GLDN: variants seen among roughly 807,000 people sequenced by gnomAD.
The protein encoded by GLDN is gliomedin, also known as collomin.
GLDN carries 47 observed loss-of-function variants against 56.5 expected under a neutral mutation model. That is an observed-to-expected ratio of 0.83 (90% CI 0.66 to 1.06). The LOEUF is 1.06. Ranked by LOEUF, GLDN falls within the 50% of genes least tolerant of loss-of-function variation. GLDN has a pLI of 0.00. For missense variants in GLDN, 782 were observed against 714.3 expected (o/e 1.09, Z -1.08); for synonymous variants, 332 against 278.8 (o/e 1.19, Z -1.90).
At chr15:51,380,519 C>A (rs1368868920) in intron 2 of GLDN, among the ~76,000 whole-genome samples, 1 of 152,182 alleles carries the variant, frequency 6.6e-6, no homozygotes, top group Non-Finnish European at 1.5e-5. Context: ...CCCTGGAGAG[C>A]CAGGCTGGCA....
chr15:51,397,605 A>G lies in GLDN; in HGVS notation c.817+7A>G. The G allele has an allele frequency of 6.4e-7, 1 of 1,574,648 alleles. No individual in the cohort carries two copies. The highest frequency in any genetic ancestry group is 8.6e-7 in the Non-Finnish European group (1 of 1,158,754). On this transcript the variant is annotated splice_region_variant and intron_variant, in intron 6 of 9. Transcript: ENST00000335449. Reference sequence around the variant, plus strand: ...TTCAACGGCCAGTGCCCAGGTCACCACCTCTCCCCTACGGGGCCCACCTCT... The same window carrying G: ...TTCAACGGCCAGTGCCCAGGTCACCGCCTCTCCCCTACGGGGCCCACCTCT...
At chr15:51,385,339 G>A (rs1287493733) in intron 4 of GLDN, 1 of 152,184 alleles carries the variant, frequency 6.6e-6, no homozygotes, top group African/African-American at 2.4e-5. Flanking sequence ...AAAAAGGCTT[G>A]AGACAGATCC....
intron 5 of GLDN, among the ~76,000 whole-genome samples, chr15:51,396,356 G>A (rs1031636688): frequency 3.9e-5 from 6 of 152,196 alleles, no homozygotes; most frequent in Admixed American, 1.3e-4. Flanking sequence ...GCCATCAGGG[G>A]CATTTCCCCT....
At chr15:51,354,177 C>T (rs1367836880) in intron 1 of GLDN, among the ~76,000 whole-genome samples, 2 of 152,194 alleles carry the variant, frequency 1.3e-5, no homozygotes, top group Non-Finnish European at 2.9e-5. Flanking sequence ...AAAGTCTGTG[C>T]TTGCCAAAGT....
intron 9 of GLDN, among the ~76,000 whole-genome samples, chr15:51,402,995 C>A (rs965748359): frequency 6.6e-6 from 1 of 152,174 alleles, no homozygotes; most frequent in African/African-American, 2.4e-5. Flanking sequence ...CTTGTGGTTC[C>A]CTGCTGCCAT....
chr15:51,355,075 C>T (rs2037147979), intron 1 of GLDN, among the ~76,000 whole-genome samples: 1 of 152,124 alleles, frequency 6.6e-6, no homozygotes, highest in African/African-American at 2.4e-5. Context: ...ATCCAGACCC[C>T]TTAGAGAGGG....
intron 1 of GLDN, among the ~76,000 whole-genome samples, chr15:51,342,930 A>G (rs1438795230): frequency 6.6e-6 from 1 of 152,168 alleles, no homozygotes; most frequent in Non-Finnish European, 1.5e-5. Context: ...AGCCTCAAAG[A>G]TTTGTTTTCC....
At position 51,354,613 on chromosome 15, in the gene GLDN, G is replaced by A. The variant is rs180874064; in HGVS notation, c.363+12566G>A. 1.2e-4 allele frequency among the ~76,000 whole-genome samples: 19 copies of A among 152,332 alleles called. No homozygotes were observed. The East Asian group carries it at 3.7e-3, about 29-fold the overall frequency. On this transcript the variant is annotated intron_variant, in intron 1 of 9. Transcript: ENST00000335449. ...GCAATAATATGAGCCAAGGTCTAGG[G>A]ATTGAAATGAAAATGGTGCAAGTCA... is the stretch of plus-strand genomic sequence containing the variant.
chr15:51,384,130 A>T (rs1048600873), intron 4 of GLDN: 4 of 511,934 alleles, frequency 7.8e-6, no homozygotes, highest in Admixed American at 6.5e-5. Flanking sequence ...ACTGACTCGC[A>T]CCCTTCTGCT....
chr15:51,388,956 C>G (rs1417542357), intron 4 of GLDN, among the ~76,000 whole-genome samples: 3 of 152,228 alleles, frequency 2.0e-5, no homozygotes, highest in Non-Finnish European at 4.4e-5. Context: ...GCCTGCAGGA[C>G]ATTGTTGAGA....
At chr15:51,376,363 A>G (rs1192270709) in intron 1 of GLDN, among the ~76,000 whole-genome samples, 2 of 152,218 alleles carry the variant, frequency 1.3e-5, no homozygotes, top group African/African-American at 2.4e-5. Context: ...AGTATAAAAG[A>G]TTTAAAATGG....
chr15:51,410,337 C>T (rs1269192259), downstream of GLDN, among the ~76,000 whole-genome samples: 1 of 152,220 alleles, frequency 6.6e-6, no homozygotes, highest in East Asian at 1.9e-4. Flanking sequence ...AACATATAGC[C>T]TTCAGCTGTC....
At chr15:51,409,974 C>T (rs1411795581), downstream of GLDN, among the ~76,000 whole-genome samples, 1 of 152,198 alleles carries the variant, frequency 6.6e-6, no homozygotes, top group African/African-American at 2.4e-5. Context: ...GAAGTTCCAT[C>T]ACTCGGTAAT....
At chr15:51,358,946 T>A (rs1250509086) in intron 1 of GLDN, among the ~76,000 whole-genome samples, 6 of 152,096 alleles carry the variant, frequency 3.9e-5, no homozygotes, top group Non-Finnish European at 8.8e-5. Flanking sequence ...CAGGTTTTTT[T>A]CTCACTAGGG....
intron 1 of GLDN, among the ~76,000 whole-genome samples, chr15:51,351,927 TG>T (rs1288636901): frequency 1.1e-4 from 16 of 152,342 alleles, no homozygotes; most frequent in Admixed American, 9.1e-4. Flanking sequence ...CTCATTAGGT[TG>T]TTCGGATGTT....
chr15:51,393,515 C>G (rs2141119566), intron 4 of GLDN, among the ~76,000 whole-genome samples: 1 of 152,354 alleles, frequency 6.6e-6, no homozygotes, highest in African/African-American at 2.4e-5. Flanking sequence ...CCTTTCCCAG[C>G]CCTCTGGAAT....
At chr15:51,343,914 A>G (rs2036931704) in intron 1 of GLDN, among the ~76,000 whole-genome samples, 1 of 151,788 alleles carries the variant, frequency 6.6e-6, no homozygotes, top group African/African-American at 2.4e-5. Flanking sequence ...TCATCCCCCC[A>G]CCTCCTATGC....
chr15:51,384,125 C>T (rs960376176), intron 4 of GLDN: 1 of 530,688 alleles, frequency 1.9e-6, no homozygotes, highest in African/African-American at 1.9e-5. Flanking sequence ...TGGGAACTGA[C>T]TCGCACCCTT....
At chr15:51,379,658 G>A (rs909586029) in intron 2 of GLDN, among the ~76,000 whole-genome samples, 1 of 152,154 alleles carries the variant, frequency 6.6e-6, no homozygotes, top group Non-Finnish European at 1.5e-5. Context: ...CATAACTGGG[G>A]CATTGTGAGC....
Sources: gnomAD v4.1 joint callset for allele counts (sites outside exome capture counted in the v4.1 genomes callset) on GRCh38, gnomAD v4.1.1 for gene constraint, MANE v1.5 for transcripts, NCBI Gene and HGNC (gene_info 2026-07-23, HGNC 2026-07-21) for gene names.